Variants in HLF observed in about 807,000 individuals in gnomAD.
HLF encodes HLF transcription factor, PAR bZIP family member, also known as hepatic leukemia factor.
A neutral mutation model predicts 22.6 loss-of-function variants in HLF; 3 were observed. The ratio of observed to expected loss-of-function variants is 0.13; its 90% CI spans 0.06 to 0.34. HLF has a LOEUF of 0.34. HLF is among the 10% of genes least tolerant of loss of function. The pLI is 1.00. For synonymous variants in HLF, 151 were observed against 151.8 expected, an observed-to-expected ratio of 0.99 and a Z score of 0.04; for missense variants, 299 against 389.2, an observed-to-expected ratio of 0.77 and a Z score of 1.95.
chr17:55,292,540 C>T (rs927705616), intron 2 of HLF, among the ~76,000 whole-genome samples: 9 of 152,008 alleles, frequency 5.9e-5, no homozygotes, highest in African/African-American at 1.9e-4. Flanking sequence ...ATTTTATATG[C>T]ACTGGGAAAC....
At position 55,306,576 on chromosome 17, in the gene HLF, A is replaced by G. The variant is rs866083335; in HGVS notation, c.452-8651A>G. On this transcript the variant is annotated intron_variant, in intron 2 of 3. Coordinates refer to ENST00000226067, the MANE Select transcript of HLF (RefSeq NM_002126.5). ...TGTGTGTGTGTGTGTGTGTGTGTGT[A>G]TGCATGTGTATGTGTATGCATGATT... is the stretch of plus-strand genomic sequence containing the variant. Among the ~76,000 whole-genome samples the G allele has an allele frequency of 2.2e-3, 172 of 76,978 alleles. 1 individual carries two copies. The highest frequency in any genetic ancestry group is 3.2e-3 in the Non-Finnish European group (109 of 33,872). The allele number at this position is 76,978 out of a possible 152,430, so 50.5% of individuals were successfully genotyped here.
chr17:55,265,655 C>A, intron 1 of HLF, 56 bp downstream of exon 1: 2 of 1,334,690 alleles, frequency 1.5e-6, no homozygotes, highest in Non-Finnish European at 2.1e-6. Context: ...GGGTCCCCCT[C>A]CGCGGCCGGG....
chr17:55,279,170 A>G (rs2080931620), intron 2 of HLF, among the ~76,000 whole-genome samples: 2 of 152,250 alleles, frequency 1.3e-5, no homozygotes, highest in Admixed American at 6.5e-5. Flanking sequence ...ATTCATGTCA[A>G]AAAAGTTATT....
At chr17:55,284,608 G>A (rs770140102) in intron 2 of HLF, among the ~76,000 whole-genome samples, 12 of 152,124 alleles carry the variant, frequency 7.9e-5, no homozygotes, top group Non-Finnish European at 1.5e-4. Flanking sequence ...GGCACTGGGC[G>A]ACTGCAGGGG....
chr17:55,291,439 G>GAA (rs1555607161), intron 2 of HLF, among the ~76,000 whole-genome samples: 6 of 152,126 alleles, frequency 3.9e-5, no homozygotes, highest in Non-Finnish European at 1.5e-5. Context: ...TCTGTAAATG[G>GAA]AACAGCAAAG....
intron 2 of HLF, among the ~76,000 whole-genome samples, chr17:55,311,364 C>A (rs1057503182): frequency 6.6e-6 from 1 of 151,856 alleles, no homozygotes; most frequent in Non-Finnish European, 1.5e-5. Context: ...ATTAGCCGGG[C>A]GTGGTGGCGG....
chr17:55,316,893 G>T (rs1334023611), intron 3 of HLF, among the ~76,000 whole-genome samples: 10 of 151,866 alleles, frequency 6.6e-5, no homozygotes, highest in African/African-American at 2.4e-4. Context: ...CAGGTCTTGG[G>T]CAATTAGGTA....
At chr17:55,319,696 C>T (rs1168653822) in intron 3 of HLF, among the ~76,000 whole-genome samples, 2 of 151,890 alleles carry the variant, frequency 1.3e-5, no homozygotes, top group South Asian at 4.2e-4. Flanking sequence ...AATATGAGTA[C>T]ATTGATTAGC....
intron 3 of HLF, 72 bp downstream of exon 3, chr17:55,315,519 C>A: frequency 8.8e-7 from 1 of 1,131,030 alleles, no homozygotes; most frequent in Non-Finnish European, 1.3e-6. Context: ...AAAGGGTGAC[C>A]CCAGGATGAT....
rs952131183 is a variant in HLF at position 55,322,825 on chromosome 17, A to G, written c.*1946A>G. ...TCTACCCTGCGGGCCCGCACGTTTT[A>G]TGAGGTTGATATCGGTGCTATGTGT... On this transcript the variant is annotated 3_prime_UTR_variant, in exon 4 of 4. Coordinates refer to ENST00000226067, the MANE Select transcript of HLF (RefSeq NM_002126.5). 1.2e-4 allele frequency: 28 copies of G among 227,648 alleles called. No homozygotes were observed. Among genetic ancestry groups the G allele is most frequent in the African/African-American group, 4.7e-4 (21 of 45,096 alleles). The allele number at this position is 227,648 out of a possible 1,614,324, so 14.1% of individuals were successfully genotyped here. A position where few individuals can be genotyped will look rare whatever the true frequency, so the allele number is the denominator to read the frequency against.
intron 2 of HLF, chr17:55,272,138 A>AGAT (rs1567811254): frequency 6.6e-6 from 1 of 152,242 alleles, no homozygotes; most frequent in Non-Finnish European, 1.5e-5. Flanking sequence ...AGGCCAGCAG[A>AGAT]GATGACAGGA....
intron 2 of HLF, among the ~76,000 whole-genome samples, chr17:55,274,655 C>T (rs2080889462): frequency 6.6e-6 from 1 of 152,190 alleles, no homozygotes; most frequent in African/African-American, 2.4e-5. Context: ...TCATTAGCTG[C>T]TCACGATCTC....
intron 2 of HLF, among the ~76,000 whole-genome samples, chr17:55,294,128 G>A (rs1022981665): frequency 1.3e-5 from 2 of 152,162 alleles, no homozygotes; most frequent in South Asian, 2.1e-4. Flanking sequence ...CCTAGTAGAG[G>A]AGGATTGGAA....
chr17:55,323,466 G>T lies in HLF; in HGVS notation c.*2587G>T, dbSNP rs906883396. ...TGAGCACTGGTCTCTCTTGGAATTA[G>T]ATGTTTATATCAAATGAGCATCTCA... On this transcript the variant is annotated 3_prime_UTR_variant, in exon 4 of 4. Transcript: ENST00000226067. The T allele has an allele frequency of 4.6e-6, 1 of 215,204 alleles. No homozygotes were observed. Among genetic ancestry groups the T allele is most frequent in the East Asian group, 7.0e-5 (1 of 14,314 alleles). 13.3% of individuals were successfully genotyped at this position (215,204 alleles called of 1,614,324 possible).
At position 55,322,309 on chromosome 17, in the gene HLF, A is replaced by G; in HGVS notation, c.*1430A>G. On this transcript the variant is annotated 3_prime_UTR_variant, in exon 4 of 4. Coordinates refer to ENST00000226067, the MANE Select transcript of HLF (RefSeq NM_002126.5). ...AAATCGTTTAATGTTTATACAGAGT[A>G]ATTATAGGAAGTTCTTTTTTGTACA... 5.2e-6 allele frequency: 1 copy of G among 193,690 alleles called. No individual in the cohort carries two copies. Among genetic ancestry groups the G allele is most frequent in the East Asian group, 8.2e-5 (1 of 12,178 alleles). The allele number at this position is 193,690 out of a possible 1,614,324, so 12.0% of individuals were successfully genotyped here.
chr17:55,282,215 G>A (rs1023934222), intron 2 of HLF, among the ~76,000 whole-genome samples: 16 of 152,220 alleles, frequency 1.1e-4, no homozygotes, highest in Non-Finnish European at 4.4e-5. Context: ...TAAAGGCCAC[G>A]TTCTAAAATG....
At chr17:55,316,778 G>A (rs749527493) in intron 3 of HLF, among the ~76,000 whole-genome samples, 4 of 151,906 alleles carry the variant, frequency 2.6e-5, no homozygotes, top group African/African-American at 4.8e-5. Context: ...CTGTCACCCT[G>A]AGAATCAAAA....
At position 55,284,517 on chromosome 17, in the gene HLF, G is replaced by A. The variant is rs1023271211; in HGVS notation, c.451+16431G>A. On this transcript the variant is annotated intron_variant, in intron 2 of 3. Transcript: ENST00000226067. The stretch of plus-strand genomic sequence containing the variant: ...TTAACCAAGGTGAAGGCTCACCTGG[G>A]CCTGGGAGTCGCTCATCAACTCAGC... 2.0e-5 allele frequency among the ~76,000 whole-genome samples: 3 copies of A among 152,306 alleles called. No homozygotes were observed. The South Asian group carries it at 6.2e-4, about 32-fold the overall frequency.
intron 2 of HLF, among the ~76,000 whole-genome samples, chr17:55,269,399 C>T (rs79401775): frequency 0.12 from 17,887 of 152,104 alleles, 1,337 homozygotes; most frequent in Middle Eastern, 0.19. Context: ...TTAGAATGTG[C>T]GGTACCACTA....
Sources: allele counts gnomAD v4.1 joint callset (sites outside exome capture counted in the v4.1 genomes callset), GRCh38; gene constraint gnomAD v4.1.1; transcripts MANE v1.5; gene names NCBI Gene and HGNC (gene_info 2026-07-23, HGNC 2026-07-21).